ROR1: variants seen among roughly 807,000 people sequenced by gnomAD.
ROR1 encodes the protein ROR family WNT receptor 1, also known as inactive tyrosine-protein kinase transmembrane receptor ROR1.
A neutral mutation model predicts 78.8 loss-of-function variants in ROR1; 19 were observed. That is an observed-to-expected ratio of 0.24 (90% CI 0.17 to 0.35). The LOEUF (loss-of-function observed/expected upper bound fraction) is 0.35, where lower values mean the gene tolerates loss of function less well. Among genes scored for constraint, ROR1 ranks in the 10% least tolerant of loss-of-function variants. The probability of loss-of-function intolerance (pLI) is 1.00; values close to 1 mark genes in which losing one functional copy is unlikely to be tolerated. For synonymous variants in ROR1, 386 were observed against 433.6 expected (o/e 0.89, Z 1.36); for missense variants, 917 against 1,177.8 (o/e 0.78, Z 3.24).
rs570509455 is a variant in ROR1 at position 63,937,657 on chromosome 1, T to C, written c.92-71648T>C. 3.3e-5 allele frequency among the ~76,000 whole-genome samples: 5 copies of C among 152,324 alleles called. No individual in the cohort carries two copies. In the South Asian group the frequency reaches 1.0e-3, roughly 32 times the overall value. On this transcript the variant is annotated intron_variant, in intron 1 of 8. Coordinates refer to ENST00000371079, the MANE Select transcript of ROR1 (RefSeq NM_005012.4). ...TGAATAGAGAAAGGAAGGAGCCACA[T>C]TGGCAGTACAGTTGTAAATCAGAGC...
chr1:63,878,680 C>A (rs1645304067), intron 1 of ROR1, among the ~76,000 whole-genome samples: 1 of 152,160 alleles, frequency 6.6e-6, no homozygotes, highest in Non-Finnish European at 1.5e-5. Flanking sequence ...ATCCTTCCCT[C>A]TTTCCAGAAA....
Position 63,806,479 on chromosome 1 carries a change from T to G in ROR1, c.91+31971T>G, listed in dbSNP as rs993085416. 3.9e-5 allele frequency among the ~76,000 whole-genome samples: 6 copies of G among 152,056 alleles called. No homozygotes were observed. In the South Asian group the frequency reaches 6.2e-4, roughly 16 times the overall value. ...ACTACAGGTGCCCGCCACCACGCCC[T>G]GCTAATTGTTTGTATTTTTAGTAGA... On this transcript the variant is annotated intron_variant, in intron 1 of 8. Transcript: ENST00000371079.
intron 4 of ROR1, among the ~76,000 whole-genome samples, chr1:64,059,444 C>T (rs963765686): frequency 1.1e-4 from 16 of 152,280 alleles, no homozygotes; most frequent in Admixed American, 1.0e-3. Context: ...GGTGCGGTGG[C>T]TCATGCCTAT....
At chr1:63,942,788 G>A (rs906699003) in intron 1 of ROR1, among the ~76,000 whole-genome samples, 1 of 152,088 alleles carries the variant, frequency 6.6e-6, no homozygotes, top group African/African-American at 2.4e-5. Flanking sequence ...TGTGTAATCT[G>A]CAAAATAAAT....
At chr1:63,893,815 G>A (rs991237631) in intron 1 of ROR1, among the ~76,000 whole-genome samples, 1 of 152,104 alleles carries the variant, frequency 6.6e-6, no homozygotes, top group Non-Finnish European at 1.5e-5. Context: ...CTTGGTAGAT[G>A]CCTAAACTGC....
chr1:63,811,424 T>G (rs1644859371), intron 1 of ROR1, among the ~76,000 whole-genome samples: 1 of 152,090 alleles, frequency 6.6e-6, no homozygotes, highest in East Asian at 1.9e-4. Context: ...GAGATCAAAA[T>G]TTTGTGTTTT....
intron 1 of ROR1, among the ~76,000 whole-genome samples, chr1:63,885,275 C>T (rs1211839019): frequency 1.3e-5 from 2 of 152,026 alleles, no homozygotes; most frequent in African/African-American, 4.8e-5. Flanking sequence ...GCTTGGGGCT[C>T]CTAGGGAAAC....
intron 2 of ROR1, among the ~76,000 whole-genome samples, chr1:64,019,370 A>G (rs544034921): frequency 4.6e-5 from 7 of 152,326 alleles, no homozygotes; most frequent in Middle Eastern, 3.4e-3. Context: ...TTGAATATTA[A>G]GATCTGGATT....
chr1:64,041,958 G>A (rs1449306513), intron 2 of ROR1, among the ~76,000 whole-genome samples: 1 of 152,176 alleles, frequency 6.6e-6, no homozygotes, highest in Non-Finnish European at 1.5e-5. Flanking sequence ...GGTTGGAGGT[G>A]CGGTTTCACT....
At chr1:63,780,175 T>A (rs944887292) in intron 1 of ROR1, among the ~76,000 whole-genome samples, 1 of 152,178 alleles carries the variant, frequency 6.6e-6, no homozygotes, top group East Asian at 1.9e-4. Flanking sequence ...CATAGATTTT[T>A]TTTTTTTTAA....
At chr1:64,091,957 G>T (rs1473085259) in intron 4 of ROR1, among the ~76,000 whole-genome samples, 3 of 152,132 alleles carry the variant, frequency 2.0e-5, no homozygotes, top group African/African-American at 7.2e-5. Context: ...ACTTGTTGAA[G>T]TCATTTTATT....
intron 1 of ROR1, among the ~76,000 whole-genome samples, chr1:64,001,172 G>A (rs1402643661): frequency 6.6e-6 from 1 of 152,182 alleles, no homozygotes; most frequent in Admixed American, 6.5e-5. Flanking sequence ...ACAAACAAAC[G>A]ATTGATACAT....
At chr1:63,854,043 G>A (rs1276260099) in intron 1 of ROR1, among the ~76,000 whole-genome samples, 1 of 152,174 alleles carries the variant, frequency 6.6e-6, no homozygotes, top group African/African-American at 2.4e-5. Context: ...TAGAATGTGA[G>A]CATTGGCCTC....
intron 1 of ROR1, among the ~76,000 whole-genome samples, chr1:63,983,349 G>T (rs1287674463): frequency 1.3e-5 from 2 of 152,186 alleles, no homozygotes; most frequent in Non-Finnish European, 2.9e-5. Context: ...CCTCTGCCCT[G>T]GATCTGATTG....
chr1:64,050,724 C>T lies in ROR1; in HGVS notation c.482+8C>T. 1 of 1,612,862 alleles carries T rather than the reference C, an allele frequency of 6.2e-7. No individual in the cohort carries two copies. The highest frequency in any genetic ancestry group is 8.5e-7 in the Non-Finnish European group (1 of 1,178,916). ...TGCAAGTCCAGGATACTCGTAAGTA[C>T]TTTTATCTCCTTTCTTGTCATTTCT... On this transcript the variant is annotated splice_region_variant and intron_variant, in intron 4 of 8. Coordinates refer to ENST00000371079, the MANE Select transcript of ROR1 (RefSeq NM_005012.4).
At chr1:64,040,251 A>T (rs989120814) in intron 2 of ROR1, among the ~76,000 whole-genome samples, 2 of 152,220 alleles carry the variant, frequency 1.3e-5, no homozygotes, top group East Asian at 3.9e-4. Context: ...TATTTCACCA[A>T]AACTCAAGGA....
intron 1 of ROR1, among the ~76,000 whole-genome samples, chr1:63,815,930 C>T (rs1644889512): frequency 6.6e-6 from 1 of 152,148 alleles, no homozygotes; most frequent in Non-Finnish European, 1.5e-5. Context: ...ATTGCAGTCA[C>T]CTGCCTGGGG....
intron 2 of ROR1, among the ~76,000 whole-genome samples, chr1:64,042,090 G>T (rs1646750034): frequency 1.3e-5 from 2 of 152,158 alleles, no homozygotes; most frequent in African/African-American, 4.8e-5. Context: ...TTAATTACAG[G>T]GTTTAACAGG....
chr1:63,982,162 T>G (rs1646215538), intron 1 of ROR1, among the ~76,000 whole-genome samples: 1 of 152,088 alleles, frequency 6.6e-6, no homozygotes. Flanking sequence ...TTGGAAAGGT[T>G]AAGAAACGAG....
Sources: gnomAD v4.1 joint callset for allele counts (sites outside exome capture counted in the v4.1 genomes callset) on GRCh38, gnomAD v4.1.1 for gene constraint, MANE v1.5 for transcripts, NCBI Gene and HGNC (gene_info 2026-07-23, HGNC 2026-07-21) for gene names.